The following HACL1 variants were observed in gnomAD, a reference collection of about 807,000 sequenced individuals.
The protein encoded by HACL1 is 1600020H07Rik.
Under a neutral mutation model 74.2 loss-of-function variants are expected in HACL1, and 64 were observed. The observed-to-expected ratio is 0.86, with a 90% confidence interval of 0.70 to 1.06. HACL1 has a LOEUF of 1.06. Ranked by LOEUF, HACL1 falls within the 50% of genes least tolerant of loss-of-function variation. The pLI, the probability that HACL1 is intolerant of heterozygous loss-of-function variation, is 0.00. For synonymous variants in HACL1, 230 were observed against 238.8 expected (o/e 0.96, Z 0.34); for missense variants, 728 against 719.7 (o/e 1.01, Z -0.13).
chr3:15,582,164 C>G (rs1473851500), intron 8 of HACL1, among the ~76,000 whole-genome samples: 1 of 152,116 alleles, frequency 6.6e-6, no homozygotes, highest in Non-Finnish European at 1.5e-5. Context: ...AGCCTCAGTT[C>G]CAGAACACGA....
At chr3:15,595,899 C>A (rs1178972890) in intron 3 of HACL1, 1 of 152,802 alleles carries the variant, frequency 6.5e-6, no homozygotes. Flanking sequence ...GCGTGACCCA[C>A]CGTGCCTAGT....
chr3:15,563,607 T>A, intron 15 of HACL1, 63 bp from the exon 16 acceptor site: 1 of 1,041,124 alleles, frequency 9.6e-7, no homozygotes, highest in South Asian at 1.6e-5. Flanking sequence ...AAAAAGTCAT[T>A]CTCTGAAATA....
chr3:15,599,656 C>T (rs567192158), intron 2 of HACL1, among the ~76,000 whole-genome samples: 1 of 152,282 alleles, frequency 6.6e-6, no homozygotes, highest in East Asian at 1.9e-4. Flanking sequence ...CTTCTCTGTC[C>T]TCAAAGAGAA....
intron 2 of HACL1, among the ~76,000 whole-genome samples, chr3:15,599,860 G>A (rs1367490013): frequency 6.6e-6 from 1 of 152,136 alleles, no homozygotes; most frequent in Non-Finnish European, 1.5e-5. Flanking sequence ...GTCAATAAAT[G>A]TTTGCTGTAT....
At chr3:15,565,139 TG>T (rs1211225364) in intron 14 of HACL1, among the ~76,000 whole-genome samples, 1 of 150,752 alleles carries the variant, frequency 6.6e-6, no homozygotes, top group Non-Finnish European at 1.5e-5. Flanking sequence ...CACTCCAGCC[TG>T]GGTAACAGAG....
intron 2 of HACL1, among the ~76,000 whole-genome samples, chr3:15,599,831 C>A (rs1016591251): frequency 6.6e-6 from 1 of 152,214 alleles, no homozygotes; most frequent in South Asian, 2.1e-4. Flanking sequence ...GTAGCACAAT[C>A]CTTAGTATAC....
chr3:15,581,481 G>A (rs1276339585), intron 8 of HACL1, among the ~76,000 whole-genome samples: 2 of 152,100 alleles, frequency 1.3e-5, no homozygotes, highest in African/African-American at 4.8e-5. Context: ...TCTCATACAT[G>A]TATGATGAAA....
intron 9 of HACL1, among the ~76,000 whole-genome samples, chr3:15,577,042 A>G (rs1469156465): frequency 6.6e-6 from 1 of 152,238 alleles, no homozygotes; most frequent in African/African-American, 2.4e-5. Context: ...ATCTGGCTAG[A>G]CTGAAGATAA....
chr3:15,591,324 A>C (rs892603958), intron 4 of HACL1, among the ~76,000 whole-genome samples: 1 of 152,144 alleles, frequency 6.6e-6, no homozygotes, highest in African/African-American at 2.4e-5. Context: ...GCAAATTTAC[A>C]ATACACAATA....
chr3:15,573,866 G>A (rs115033840), intron 10 of HACL1, among the ~76,000 whole-genome samples: 2,007 of 152,296 alleles, frequency 0.013, 27 homozygotes, highest in Non-Finnish European at 0.024. Context: ...CTGCAAGGAG[G>A]AATACTTTAG....
At chr3:15,586,649 T>C in intron 5 of HACL1, 47 bp from the exon 6 acceptor site, 1 of 1,047,548 alleles carries the variant, frequency 9.5e-7, no homozygotes, top group South Asian at 1.3e-5. Flanking sequence ...ACAATCATGT[T>C]ACTCTCCTGA....
chr3:15,573,020 AAT>A (rs2063562715), intron 11 of HACL1, 137 bp downstream of exon 11: 1 of 568,574 alleles, frequency 1.8e-6, no homozygotes, highest in African/African-American at 1.9e-5. Flanking sequence ...TGTATTTAAG[AAT>A]AGTTTTCAAT....
chr3:15,568,821 G>A (rs909473569), intron 12 of HACL1, among the ~76,000 whole-genome samples: 2 of 152,154 alleles, frequency 1.3e-5, no homozygotes, highest in Non-Finnish European at 2.9e-5. Context: ...GGAATATCCC[G>A]CCTCTTGGAG....
intron 13 of HACL1, 99 bp downstream of exon 13, chr3:15,568,333 T>C (rs2063469740): frequency 1.3e-6 from 1 of 771,088 alleles, no homozygotes; most frequent in Non-Finnish European, 2.2e-6. Context: ...ATACTAAACA[T>C]GTATTAATTC....
chr3:15,573,121 A>C lies in HACL1; in HGVS notation c.993+38T>G, dbSNP rs2063564933. ...CATTTTCAAGAATTGACTATTCCCT[A>C]ATAAGCACTCCACATAAACTAAAAC... On this transcript the variant is annotated intron_variant, in intron 11 of 16. Transcript: ENST00000321169. 3 of 1,060,684 alleles carry C rather than the reference A, an allele frequency of 2.8e-6. No homozygotes were observed. The African/African-American group carries it at 4.7e-5, about 16-fold the overall frequency. The allele number at this position is 1,060,684 out of a possible 1,614,324, so 65.7% of individuals were successfully genotyped here.
chr3:15,563,289 A>T, intron 16 of HACL1, 69 bp downstream of exon 16: 1 of 1,018,034 alleles, frequency 9.8e-7, no homozygotes, highest in Non-Finnish European at 1.5e-6. Flanking sequence ...TCTGTTTGGT[A>T]GATACTTTTT....
intron 3 of HACL1, among the ~76,000 whole-genome samples, chr3:15,593,669 A>C (rs1559563055): frequency 1.3e-5 from 2 of 151,822 alleles, no homozygotes; most frequent in Non-Finnish European, 2.9e-5. Flanking sequence ...TGCTGAGTTC[A>C]TTTTTGTATG....
intron 5 of HACL1, 126 bp downstream of exon 5, chr3:15,589,414 T>C: frequency 1.7e-6 from 1 of 582,330 alleles, no homozygotes; most frequent in Non-Finnish European, 3.1e-6. Context: ...GGAAGATTGC[T>C]TGAGGTCAGG....
intron 2 of HACL1, among the ~76,000 whole-genome samples, chr3:15,597,705 T>C (rs1016624700): frequency 6.6e-6 from 1 of 151,282 alleles, no homozygotes; most frequent in Non-Finnish European, 1.5e-5. Flanking sequence ...ACTGAGAACC[T>C]GCACAAAGAC....
Sources: allele counts gnomAD v4.1 joint callset (sites outside exome capture counted in the v4.1 genomes callset), GRCh38; gene constraint gnomAD v4.1.1; transcripts MANE v1.5; gene names NCBI Gene and HGNC (gene_info 2026-07-23, HGNC 2026-07-21).